PRDM5: variants seen among roughly 807,000 people sequenced by gnomAD.
PRDM5 encodes PR/SET domain 5.
In PRDM5, 56 loss-of-function variants were observed where a neutral mutation model predicts 81.2. That is an observed-to-expected ratio of 0.69 (90% CI 0.56 to 0.86). The LOEUF (loss-of-function observed/expected upper bound fraction) is 0.86, where lower values mean the gene tolerates loss of function less well. Ranked by LOEUF, PRDM5 falls within the 40% of genes least tolerant of loss-of-function variation. PRDM5 has a pLI of 0.00. For missense variants in PRDM5, 697 were observed against 770.1 expected (o/e 0.91, Z 1.12); for synonymous variants, 267 against 256.4 (o/e 1.04, Z -0.39).
chr4:120,807,974 T>C (rs1753235341), intron 8 of PRDM5, among the ~76,000 whole-genome samples: 1 of 152,160 alleles, frequency 6.6e-6, no homozygotes. Context: ...TCTGGAGTTG[T>C]TTGCTCCTCC....
intron 12 of PRDM5, among the ~76,000 whole-genome samples, chr4:120,780,579 C>A (rs1748896006): frequency 6.6e-6 from 1 of 152,008 alleles, no homozygotes; most frequent in African/African-American, 2.4e-5. Flanking sequence ...GAGGTAATGA[C>A]CCAAGTAGCA....
rs763769498 is a variant in PRDM5 at position 120,919,995 on chromosome 4, T to C, written c.93+2521A>G. Among the ~76,000 whole-genome samples, 84 of 152,096 alleles carry C rather than the reference T, an allele frequency of 5.5e-4. 1 individual carries two copies. Among genetic ancestry groups the C allele is most frequent in the Non-Finnish European group, 1.1e-3 (78 of 68,020 alleles). The stretch of plus-strand genomic sequence containing the variant: ...GCAACAGACCAGCAAAAAAGGATAA[T>C]TGCCAAGGAAAAATCTAGTAGGACT... On this transcript the variant is annotated intron_variant, in intron 1 of 15. Coordinates refer to ENST00000264808, the MANE Select transcript of PRDM5 (RefSeq NM_018699.4).
intron 13 of PRDM5, among the ~76,000 whole-genome samples, chr4:120,767,400 G>A (rs1357855287): frequency 6.6e-6 from 1 of 152,176 alleles, no homozygotes; most frequent in Non-Finnish European, 1.5e-5. Flanking sequence ...ATAAACTGGA[G>A]TCTTATTTCC....
chr4:120,902,899 C>A (rs570472634), intron 2 of PRDM5, among the ~76,000 whole-genome samples: 2 of 152,240 alleles, frequency 1.3e-5, no homozygotes, highest in South Asian at 2.1e-4. Flanking sequence ...ACCCTAAGAT[C>A]CCTTCATACC....
At chr4:120,823,931 A>G (rs1055214723) in intron 3 of PRDM5, among the ~76,000 whole-genome samples, 2 of 152,102 alleles carry the variant, frequency 1.3e-5, no homozygotes, top group African/African-American at 4.8e-5. Context: ...TTCTTCCTCT[A>G]TTACTTCCCC....
At position 120,799,761 on chromosome 4, in the gene PRDM5, TAGAC is replaced by T. The variant is rs755237174; in HGVS notation, c.946-20_946-17del. 3.4e-4 allele frequency: 554 copies of T among 1,609,672 alleles called. No individual in the cohort carries two copies. The highest frequency in any genetic ancestry group is 4.3e-4 in the Non-Finnish European group (510 of 1,177,726). ...TCTCATGAATCTGCAAAAGGTTAAA[TAGAC>T]AGTTAAATCAACTGTCAAAGCCTAG... On this transcript the variant is annotated splice_polypyrimidine_tract_variant and intron_variant, in intron 8 of 15. Transcript: ENST00000264808.
rs148399704 is a variant in PRDM5, at chr4:120,763,201, G to A, written c.1538-8563C>T. ...AAGGAAAAAAACAGGACAGCCACGTGCTCACGAACTTTTCAGTCGGAAATC... is the reference window on the plus strand; with the variant it reads ...AAGGAAAAAAACAGGACAGCCACGTACTCACGAACTTTTCAGTCGGAAATC... On this transcript the variant is annotated intron_variant, in intron 13 of 15. Transcript: ENST00000264808. Among the ~76,000 whole-genome samples the A allele has an allele frequency of 3.0e-4, 46 of 152,220 alleles. No individual in the cohort carries two copies. The East Asian group carries it at 5.6e-3, about 19-fold the overall frequency.
intron 2 of PRDM5, among the ~76,000 whole-genome samples, chr4:120,893,493 G>A (rs759556119): frequency 5.9e-5 from 9 of 152,146 alleles, no homozygotes; most frequent in Non-Finnish European, 1.2e-4. Flanking sequence ...CAGTTGACTT[G>A]CACTCTATGA....
chr4:120,821,947 GAA>G (rs1245354169), intron 3 of PRDM5, among the ~76,000 whole-genome samples: 9,010 of 92,386 alleles, frequency 0.098, 474 homozygotes, highest in African/African-American at 0.2. Flanking sequence ...ACGAGAAAAA[GAA>G]AAAAAAAAAA....
At chr4:120,749,948 G>T (rs977770832) in intron 14 of PRDM5, among the ~76,000 whole-genome samples, 3 of 152,096 alleles carry the variant, frequency 2.0e-5, no homozygotes, top group African/African-American at 7.2e-5. Flanking sequence ...CAGCCAGTAG[G>T]GCCAGGAAAC....
chr4:120,825,924 C>T (rs1467364478), intron 3 of PRDM5, among the ~76,000 whole-genome samples: 2 of 152,076 alleles, frequency 1.3e-5, no homozygotes, highest in African/African-American at 2.4e-5. Context: ...ATAGGGATTA[C>T]TCAGTGCTAA....
chr4:120,751,254 A>C (rs946417004), intron 14 of PRDM5, among the ~76,000 whole-genome samples: 7 of 152,178 alleles, frequency 4.6e-5, no homozygotes, highest in African/African-American at 1.7e-4. Context: ...GCTAGAGATG[A>C]AAAACATAAT....
At chr4:120,708,173 G>C (rs931582655) in intron 15 of PRDM5, among the ~76,000 whole-genome samples, 2 of 152,006 alleles carry the variant, frequency 1.3e-5, no homozygotes, top group African/African-American at 4.8e-5. Context: ...ATTGAAAACA[G>C]GTACTCAAAT....
At chr4:120,741,593 G>C (rs1741978567) in intron 14 of PRDM5, among the ~76,000 whole-genome samples, 1 of 152,016 alleles carries the variant, frequency 6.6e-6, no homozygotes, top group Admixed American at 6.6e-5. Flanking sequence ...GCCGAAGCAG[G>C]GCCAGGCATT....
intron 10 of PRDM5, among the ~76,000 whole-genome samples, chr4:120,794,573 A>G (rs1751074243): frequency 6.6e-6 from 1 of 151,202 alleles, no homozygotes; most frequent in Non-Finnish European, 1.5e-5. Flanking sequence ...AAATACACAC[A>G]AATACATGTA....
At chr4:120,833,815 A>G (rs1392830216) in intron 3 of PRDM5, among the ~76,000 whole-genome samples, 1 of 152,188 alleles carries the variant, frequency 6.6e-6, no homozygotes, top group Non-Finnish European at 1.5e-5. Context: ...TATAAAGTGT[A>G]AAAAGGACCA....
rs117247548 is a variant in PRDM5 at position 120,808,636 on chromosome 4, T to G, written c.945+2734A>C. 3.7e-3 allele frequency among the ~76,000 whole-genome samples: 560 copies of G among 152,202 alleles called. 6 individuals carry two copies. Among genetic ancestry groups the G allele is most frequent in the East Asian group, 0.014 (74 of 5,152 alleles). ...CACTCCTCAGCCCTTGGGTGGTCGA[T>G]GGGACCAGGCACCATGGAGCAGGGG... On this transcript the variant is annotated intron_variant, in intron 8 of 15. Coordinates refer to ENST00000264808, the MANE Select transcript of PRDM5 (RefSeq NM_018699.4).
chr4:120,915,524 T>C (rs987115070), intron 1 of PRDM5, among the ~76,000 whole-genome samples: 2 of 152,220 alleles, frequency 1.3e-5, no homozygotes, highest in Admixed American at 6.5e-5. Flanking sequence ...CAGCAGCTGC[T>C]GCAAGAATGG....
At chr4:120,761,458 C>T (rs1372625507) in intron 13 of PRDM5, among the ~76,000 whole-genome samples, 1 of 152,046 alleles carries the variant, frequency 6.6e-6, no homozygotes, top group Non-Finnish European at 1.5e-5. Flanking sequence ...TGTATGTTAC[C>T]ATATAGATGT....
Sources: gnomAD v4.1 joint callset for allele counts (sites outside exome capture counted in the v4.1 genomes callset) on GRCh38, gnomAD v4.1.1 for gene constraint, MANE v1.5 for transcripts, NCBI Gene and HGNC (gene_info 2026-07-23, HGNC 2026-07-21) for gene names.